The following SCYL2 variants were observed in gnomAD, a reference collection of about 807,000 sequenced individuals.
The protein encoded by SCYL2 is SCY1-like protein 2.
A neutral mutation model predicts 100.4 loss-of-function variants in SCYL2; 36 were observed. The observed-to-expected ratio is 0.36, with a 90% CI of 0.27 to 0.47. The LOEUF (loss-of-function observed/expected upper bound fraction) is 0.47. Among genes scored for constraint, SCYL2 ranks in the 20% least tolerant of loss-of-function variants. The pLI, the probability that SCYL2 is intolerant of heterozygous loss-of-function variation, is 1.00. For missense variants in SCYL2, 902 were observed against 1,083.9 expected (o/e 0.83, Z 2.36); for synonymous variants, 330 against 359.2 (o/e 0.92, Z 0.92).
At chr12:100,295,732 AGGGAGACCATGGGGAGACGG>A (rs1303866639) in intron 3 of SCYL2, among the ~76,000 whole-genome samples, 1 of 151,642 alleles carries the variant, frequency 6.6e-6, no homozygotes, top group Non-Finnish European at 1.5e-5. Flanking sequence ...GGAGAGGGAG[AGGGAGACCATGGGGAGACGG>A]GGGAGACCGT....
intron 1 of SCYL2, among the ~76,000 whole-genome samples, chr12:100,268,549 G>C (rs1406724176): frequency 6.6e-6 from 1 of 152,120 alleles, no homozygotes; most frequent in Non-Finnish European, 1.5e-5. Context: ...TAAAGGAAGG[G>C]AACCTAATGG....
chr12:100,294,714 C>T, intron 3 of SCYL2, among the ~76,000 whole-genome samples: 1 of 130,660 alleles, frequency 7.7e-6, no homozygotes, highest in East Asian at 2.3e-4. Context: ...CCCCCACCTC[C>T]CTCCCGGACG....
intron 5 of SCYL2, 119 bp downstream of exon 5, chr12:100,311,312 A>T (rs2096341924): frequency 2.2e-6 from 2 of 916,942 alleles, no homozygotes; most frequent in Non-Finnish European, 3.0e-6. Context: ...CTTTATAGAA[A>T]ATTTATAGTG....
chr12:100,285,048 A>G (rs572289240), intron 2 of SCYL2, among the ~76,000 whole-genome samples: 1 of 152,276 alleles, frequency 6.6e-6, no homozygotes, highest in South Asian at 2.1e-4. Flanking sequence ...ATATAAACTT[A>G]TTTTTAATAA....
Position 100,326,677 on chromosome 12 carries a change from G to A in SCYL2, c.1565G>A (p.Trp522Ter), listed in dbSNP as rs771826455. 1 of 1,609,498 alleles carries A rather than the reference G, an allele frequency of 6.2e-7. No individual in the cohort carries two copies. Among genetic ancestry groups the A allele is most frequent in the Non-Finnish European group, 8.5e-7 (1 of 1,178,200 alleles). The change falls in exon 12 of 18, where the codon TGG (tryptophan) becomes TAG (stop). Residue 522 changes from tryptophan to a stop codon, truncating the protein, a stop_gained. Coordinates refer to ENST00000360820, the MANE Select transcript of SCYL2 (RefSeq NM_017988.6). LOFTEE classifies it high-confidence loss of function. ...LGKILEYLDK[W>*]FVLDDILPFL... ...AAGATTTTGGAATACTTGGATAAGT[G>A]GTTTGTACTTGATGATATCCTACCC...
At chr12:100,291,084 A>G (rs1260710776) in intron 2 of SCYL2, among the ~76,000 whole-genome samples, 1 of 152,210 alleles carries the variant, frequency 6.6e-6, no homozygotes, top group Non-Finnish European at 1.5e-5. Flanking sequence ...CATTTTTCTT[A>G]CAAACAAGTA....
At chr12:100,299,853 A>AT (rs1374851784) in intron 4 of SCYL2, among the ~76,000 whole-genome samples, 7 of 152,192 alleles carry the variant, frequency 4.6e-5, no homozygotes, top group African/African-American at 1.7e-4. Flanking sequence ...GAACATACAC[A>AT]TTCGTTTCTC....
At chr12:100,322,755 T>A (rs1440631923) in intron 10 of SCYL2, among the ~76,000 whole-genome samples, 1 of 149,126 alleles carries the variant, frequency 6.7e-6, no homozygotes, top group East Asian at 2.0e-4. Context: ...AACTACTGGA[T>A]AGGCTGAGGC....
chr12:100,277,265 A>G (rs115125002), intron 1 of SCYL2, among the ~76,000 whole-genome samples: 4,886 of 152,270 alleles, frequency 0.032, 98 homozygotes, highest in African/African-American at 0.057. Context: ...TGTGTGTTTT[A>G]GGTCAGGTTG....
chr12:100,316,594 G>A lies in SCYL2; in HGVS notation c.1272+860G>A, dbSNP rs116912614. ...AGGGGAACAGAAGGAAGTATGTGGT[G>A]GTAAGGTGAGAATTTCTGTGAATTA... On this transcript the variant is annotated intron_variant, in intron 9 of 17. Coordinates refer to ENST00000360820, the MANE Select transcript of SCYL2 (RefSeq NM_017988.6). Among the ~76,000 whole-genome samples the A allele has an allele frequency of 7.8e-3, 1,191 of 152,288 alleles. 5 individuals carry two copies. Among genetic ancestry groups the A allele is most frequent in the Non-Finnish European group, 0.011 (776 of 68,022 alleles).
chr12:100,277,152 A>G (rs1366710052), intron 1 of SCYL2, among the ~76,000 whole-genome samples: 1 of 152,224 alleles, frequency 6.6e-6, no homozygotes, highest in Non-Finnish European at 1.5e-5. Context: ...CTTATTTCAT[A>G]GCCCAACATA....
At chr12:100,291,789 A>G (rs2096311027) in intron 3 of SCYL2, 129 bp downstream of exon 3, 1 of 800,768 alleles carries the variant, frequency 1.2e-6, no homozygotes, top group Non-Finnish European at 1.9e-6. Context: ...GTTCTTATGC[A>G]TTAGTTTTCT....
chr12:100,315,504 TAA>T, intron 8 of SCYL2, 52 bp from the exon 9 acceptor site: 1 of 1,470,190 alleles, frequency 6.8e-7, no homozygotes. Flanking sequence ...TAACTAATAC[TAA>T]AAACCTTTAA....
chr12:100,318,968 T>C (rs2096352554), intron 10 of SCYL2, among the ~76,000 whole-genome samples: 1 of 152,218 alleles, frequency 6.6e-6, no homozygotes, highest in Non-Finnish European at 1.5e-5. Flanking sequence ...ATTTAGTTTT[T>C]TCACTTTGAA....
intron 3 of SCYL2, 152 bp downstream of exon 3, chr12:100,291,812 T>C (rs2096311063): frequency 1.5e-6 from 1 of 672,342 alleles, no homozygotes; most frequent in African/African-American, 1.9e-5. Context: ...CTAAAATTTA[T>C]TTGCATTGTC....
In SCYL2 at chr12:100,335,891, G is replaced by C; in HGVS notation, c.2010G>C (p.Gln670His). The change falls in exon 16 of 18, where the codon CAG becomes CAC. Residue 670 changes from glutamine (Q) to histidine (H), a missense_variant. Coordinates refer to ENST00000360820, the MANE Select transcript of SCYL2 (RefSeq NM_017988.6). Reference protein sequence around the residue: ...SESENKEDGLQNKHKRASLTL... With the variant: ...SESENKEDGLHNKHKRASLTL... ...CCGAAAATAAAGAGGACGGGTTACA[G>C]AATAAACATAAAAGAGTGAGTTTCC... is the stretch of plus-strand genomic sequence containing the variant. 6.2e-7 allele frequency: 1 copy of C among 1,612,160 alleles called. No homozygotes were observed. The highest frequency in any genetic ancestry group is 8.5e-7 in the Non-Finnish European group (1 of 1,178,438).
intron 1 of SCYL2, among the ~76,000 whole-genome samples, chr12:100,274,183 C>T (rs905550847): frequency 2.6e-5 from 4 of 152,242 alleles, no homozygotes; most frequent in African/African-American, 9.6e-5. Context: ...AGTATAATTT[C>T]GTTAATAGAG....
intron 7 of SCYL2, among the ~76,000 whole-genome samples, chr12:100,313,899 TAGAC>T (rs2096345298): frequency 6.6e-6 from 1 of 151,086 alleles, no homozygotes; most frequent in Admixed American, 6.6e-5. Flanking sequence ...TTTTTTTTTT[TAGAC>T]AGAGTTTCAC....
At chr12:100,305,456 T>C (rs1051722657) in intron 4 of SCYL2, among the ~76,000 whole-genome samples, 2 of 152,156 alleles carry the variant, frequency 1.3e-5, no homozygotes, top group Non-Finnish European at 2.9e-5. Flanking sequence ...TTGAAACTAA[T>C]GAGAACAAAG....
Sources: allele counts gnomAD v4.1 joint callset (sites outside exome capture counted in the v4.1 genomes callset), GRCh38; gene constraint gnomAD v4.1.1; transcripts MANE v1.5; gene names NCBI Gene and HGNC (gene_info 2026-07-23, HGNC 2026-07-21).